The following TIMM23 variants were observed in gnomAD, a reference collection of about 807,000 sequenced individuals.
TIMM23 encodes mitochondrial import inner membrane translocase subunit Tim23.
A neutral mutation model predicts 30.7 loss-of-function variants in TIMM23; 19 were observed. The observed-to-expected ratio is 0.62, with a 90% CI of 0.43 to 0.91. The LOEUF is 0.91. Ranked by LOEUF, TIMM23 falls within the 40% of genes least tolerant of loss-of-function variation. TIMM23 has a pLI of 0.00. For synonymous variants in TIMM23, 78 were observed against 98.5 expected, an observed-to-expected ratio of 0.79 and a Z score of 1.23; for missense variants, 202 against 269.2, an observed-to-expected ratio of 0.75 and a Z score of 1.75.
At position 46,003,311 on chromosome 10, in the gene TIMM23, C is replaced by A; in HGVS notation, c.623C>A (p.Ser208Ter). 1 of 1,613,332 alleles carries A rather than the reference C, an allele frequency of 6.2e-7. No individual in the cohort carries two copies. Among genetic ancestry groups the A allele is most frequent in the South Asian group, 1.1e-5 (1 of 91,028 alleles). Reference protein sequence around the residue: ...EHMKGSLLQQSL With the variant: ...EHMKGSLLQQ ...ATGAAAGGCTCCTTGCTCCAACAGT[C>A]ACTCTGAAGATTTTGCCAACTCATG... Residue 208 changes from serine to a stop codon, truncating the protein, a stop_gained, in exon 7 of 7, where the codon TCA becomes TAA. Transcript: ENST00000580018. LOFTEE classifies it high-confidence loss of function.
At chr10:46,000,463 G>A (rs1202270038) in intron 6 of TIMM23, among the ~76,000 whole-genome samples, 1 of 152,092 alleles carries the variant, frequency 6.6e-6, no homozygotes, top group Admixed American at 6.5e-5. Context: ...CAAGCAGTCC[G>A]CCCACCTTGG....
At chr10:46,002,424 C>G (rs1838572816) in intron 6 of TIMM23, 1 of 740,890 alleles carries the variant, frequency 1.3e-6, no homozygotes. Flanking sequence ...CTGCCTCAGC[C>G]TCCCAAAGTG....
intron 6 of TIMM23, among the ~76,000 whole-genome samples, chr10:45,997,388 T>C (rs1838376201): frequency 6.6e-6 from 1 of 152,152 alleles, no homozygotes; most frequent in Non-Finnish European, 1.5e-5. Flanking sequence ...GTCAGATTCA[T>C]GTGAGGTACT....
rs1838619682 is a variant in TIMM23 at position 46,003,501 on chromosome 10, G to A, written c.*183G>A. 3 of 523,812 alleles carry A rather than the reference G, an allele frequency of 5.7e-6. No homozygotes were observed. Among genetic ancestry groups the A allele is most frequent in the Non-Finnish European group, 1.0e-5 (3 of 289,918 alleles). 32.4% of individuals were successfully genotyped at this position (523,812 alleles called of 1,614,324 possible). ...TGGCACTTGTTCCAGCCATTAGTGA[G>A]TTGAAGCCAAAGCCCTTTGGTGACT... On this transcript the variant is annotated 3_prime_UTR_variant, in exon 7 of 7. Transcript: ENST00000580018.
chr10:45,992,160 T>C (rs1280710754), intron 6 of TIMM23, among the ~76,000 whole-genome samples: 4 of 152,104 alleles, frequency 2.6e-5, no homozygotes, highest in Non-Finnish European at 4.4e-5. Flanking sequence ...TTTTTTTGTT[T>C]AGCAATGGGG....
chr10:46,001,716 T>C (rs1554917732), intron 6 of TIMM23, among the ~76,000 whole-genome samples: 1 of 152,164 alleles, frequency 6.6e-6, no homozygotes, highest in Non-Finnish European at 1.5e-5. Flanking sequence ...GATGGCTACC[T>C]GAAGTTTATG....
At chr10:46,002,857 C>T (rs1463770319) in intron 6 of TIMM23, among the ~76,000 whole-genome samples, 1 of 122,378 alleles carries the variant, frequency 8.2e-6, no homozygotes, top group Non-Finnish European at 1.6e-5. Flanking sequence ...CTTGTCTCAT[C>T]CTGTCGCCCA....
chr10:45,974,188 A>T (rs1837594644), intron 1 of TIMM23, among the ~76,000 whole-genome samples: 1 of 151,500 alleles, frequency 6.6e-6, no homozygotes, highest in Non-Finnish European at 1.5e-5. Flanking sequence ...TTTTGAAAAG[A>T]GGACTCTTGC....
At chr10:45,988,688 T>C (rs1838070552) in intron 5 of TIMM23, 49 bp from the exon 6 acceptor site, 2 of 1,503,946 alleles carry the variant, frequency 1.3e-6, no homozygotes, top group Non-Finnish European at 1.9e-6. Context: ...TATCATAATA[T>C]CACACTTTAT....
chr10:46,003,575 G>T lies in TIMM23; in HGVS notation c.*257G>T. Reference sequence around the variant, plus strand: ...TCCTCTGGAGATCTTGCACGTATCTGTTTTCCTCCCCCATGAACTAGAAAA... The same window carrying T: ...TCCTCTGGAGATCTTGCACGTATCTTTTTTCCTCCCCCATGAACTAGAAAA... On this transcript the variant is annotated 3_prime_UTR_variant, in exon 7 of 7. Coordinates refer to ENST00000580018, the MANE Select transcript of TIMM23 (RefSeq NM_006327.4). The T allele has an allele frequency of 3.2e-6, 1 of 311,118 alleles. No individual in the cohort carries two copies. The highest frequency in any genetic ancestry group is 6.0e-6 in the Non-Finnish European group (1 of 165,586). 19.3% of individuals were successfully genotyped at this position (311,118 alleles called of 1,614,324 possible).
At chr10:45,988,973 T>C (rs1385654771) in intron 6 of TIMM23, 126 bp downstream of exon 6, 3 of 817,298 alleles carry the variant, frequency 3.7e-6, no homozygotes, top group Admixed American at 5.1e-5. Context: ...ATGGTTATTT[T>C]GGTTTGGTTT....
intron 6 of TIMM23, chr10:45,992,322 CTG>C (rs1476566157): frequency 2.2e-6 from 1 of 449,124 alleles, no homozygotes; most frequent in Non-Finnish European, 4.4e-6. Context: ...TTTTTTGCCA[CTG>C]ATTCTCAGTT....
rs4935253 is a variant in TIMM23, at chr10:45,972,649, A to G, written c.25A>G (p.Asn9Asp). MEGGGGSGNKTTGGLAGFF... is the reference protein window; with the variant it reads MEGGGGSGDKTTGGLAGFF... ...CATGGAAGGAGGCGGGGGAAGCGGC[A>G]ACAAAACCACAGGGGGATTGGCCGG... Residue 9 changes from asparagine to aspartate, a missense_variant, in exon 1 of 7, where the codon AAC becomes GAC. Transcript: ENST00000580018. 1.1e-5 allele frequency: 17 copies of G among 1,613,840 alleles called. No homozygotes were observed. Among genetic ancestry groups the G allele is most frequent in the Admixed American group, 3.3e-5 (2 of 60,002 alleles).
At chr10:45,996,605 A>G (rs1838340665) in intron 6 of TIMM23, among the ~76,000 whole-genome samples, 1 of 151,946 alleles carries the variant, frequency 6.6e-6, no homozygotes, top group African/African-American at 2.4e-5. Context: ...CACCTAAGCC[A>G]TTTTGGTTCA....
At chr10:45,989,534 T>C (rs1341279100) in intron 6 of TIMM23, among the ~76,000 whole-genome samples, 8 of 152,230 alleles carry the variant, frequency 5.3e-5, no homozygotes, top group Non-Finnish European at 1.0e-4. Flanking sequence ...TGGTGGTTTT[T>C]TGACATTAAG....
intron 2 of TIMM23, among the ~76,000 whole-genome samples, chr10:45,977,264 G>A (rs1454377133): frequency 6.7e-6 from 1 of 148,626 alleles, no homozygotes; most frequent in African/African-American, 2.5e-5. Flanking sequence ...GGAAATTCAG[G>A]GGACATAGAA....
intron 2 of TIMM23, among the ~76,000 whole-genome samples, chr10:45,978,234 TC>T (rs1211752693): frequency 6.6e-6 from 1 of 151,898 alleles, no homozygotes; most frequent in Non-Finnish European, 1.5e-5. Context: ...GCACCTGTAG[TC>T]CCAGCTACTA....
chr10:45,996,964 CAAACAA>C (rs1372150969), intron 6 of TIMM23, among the ~76,000 whole-genome samples: 1 of 111,786 alleles, frequency 8.9e-6, no homozygotes, highest in Non-Finnish European at 1.8e-5. Flanking sequence ...GACCCTGTGT[CAAACAA>C]AAAAAAAAAA....
At chr10:45,982,661 G>A in intron 3 of TIMM23, 45 bp downstream of exon 3, 2 of 1,609,730 alleles carry the variant, frequency 1.2e-6, no homozygotes, top group South Asian at 2.2e-5. Context: ...AGTTCAAGTA[G>A]TTGAGGGTGC....
Sources: allele counts gnomAD v4.1 joint callset (sites outside exome capture counted in the v4.1 genomes callset), GRCh38; gene constraint gnomAD v4.1.1; transcripts MANE v1.5; gene names NCBI Gene and HGNC (gene_info 2026-07-23, HGNC 2026-07-21).